The following BTN3A3 variants were observed in gnomAD, a reference collection of about 807,000 sequenced individuals.
BTN3A3 encodes butyrophilin subfamily 3 member A3.
Under a neutral mutation model 43.2 loss-of-function variants are expected in BTN3A3, and 39 were observed. That is an observed-to-expected ratio of 0.90 (90% CI 0.70 to 1.18). BTN3A3 has a LOEUF of 1.18. BTN3A3 is among the 50% of genes most tolerant of loss of function. BTN3A3 has a pLI of 0.00. For synonymous variants in BTN3A3, 255 were observed against 272.7 expected (o/e 0.93, Z 0.64); for missense variants, 631 against 722.8 (o/e 0.87, Z 1.46).
chr6:26,445,131 T>A (rs1355389827), intron 4 of BTN3A3: 4 of 159,710 alleles, frequency 2.5e-5, no homozygotes, highest in African/African-American at 9.6e-5. Context: ...GTATTTCCCA[T>A]GATCTGTCAC....
chr6:26,445,589 G>A, intron 4 of BTN3A3, 115 bp from the exon 5 acceptor site: 1 of 1,296,382 alleles, frequency 7.7e-7, no homozygotes, highest in Non-Finnish European at 1.1e-6. Flanking sequence ...TGTGTAAATA[G>A]CTCCTGAATG....
At chr6:26,449,072 G>T (rs1339696768) in intron 8 of BTN3A3, among the ~76,000 whole-genome samples, 1 of 152,096 alleles carries the variant, frequency 6.6e-6, no homozygotes, top group Non-Finnish European at 1.5e-5. Context: ...AGGATGAGGT[G>T]CATTTTCTGT....
Position 26,440,562 on chromosome 6 carries a change from G to A in BTN3A3, c.-153G>A, listed in dbSNP as rs1039495237. On this transcript the variant is annotated 5_prime_UTR_variant, in exon 1 of 11. It removes an upstream start codon present in the reference 5' UTR. Coordinates refer to ENST00000244519, the MANE Select transcript of BTN3A3 (RefSeq NM_006994.5). Reference sequence around the variant, plus strand: ...GCTTTCTTTTTCCTTTCTTCGGAATGAGAGACTCAACCATAATAGAAAGAA... The same window carrying A: ...GCTTTCTTTTTCCTTTCTTCGGAATAAGAGACTCAACCATAATAGAAAGAA... The A allele has an allele frequency of 1.5e-4, 23 of 152,342 alleles. No individual in the cohort carries two copies. Among genetic ancestry groups the A allele is most frequent in the African/African-American group, 5.5e-4 (23 of 41,582 alleles). The allele number at this position is 152,342 out of a possible 1,614,324, so 9.4% of individuals were successfully genotyped here.
intron 5 of BTN3A3, among the ~76,000 whole-genome samples, chr6:26,448,008 C>T (rs1426446783): frequency 6.6e-6 from 1 of 152,146 alleles, no homozygotes; most frequent in Non-Finnish European, 1.5e-5. Flanking sequence ...TATGACTCTG[C>T]TGAAGTTAAT....
rs1762769576 is a variant in BTN3A3 at position 26,445,992 on chromosome 6, AC to A, written c.715+10del. On this transcript the variant is annotated splice_region_variant and intron_variant, in intron 5 of 10. Coordinates refer to ENST00000244519, the MANE Select transcript of BTN3A3 (RefSeq NM_006994.5). ...GCCAGCATATCCATCGCAGGTCAGT[AC>A]CCTGCTTGGCCTCAGCTTTACTGAG... The A allele has an allele frequency of 1.2e-6, 2 of 1,613,882 alleles. No homozygotes were observed. The highest frequency in any genetic ancestry group is 1.7e-5 in the Admixed American group (1 of 60,020).
chr6:26,452,137 C>G lies in BTN3A3; in HGVS notation c.1481C>G (p.Pro494Arg). Residue 494 changes from proline to arginine, a missense_variant, in exon 11 of 11, where the codon CCT becomes CGT. Around this residue, in one of 2 missense-constraint regions of BTN3A3, gnomAD observed 551 missense variants for 584.0 expected, o/e 0.94. Transcript: ENST00000244519. ...TTTCCGCACGCCTCTTTCTCTGAGC[C>G]TCTATATCCTGTTTTCAGAATTTTG... ...YTFPHASFSE[P>R]LYPVFRILTL... is the part of the protein sequence containing the mutation. The G allele has an allele frequency of 5.0e-6, 8 of 1,614,146 alleles. No homozygotes were observed. The highest frequency in any genetic ancestry group is 6.8e-6 in the Non-Finnish European group (8 of 1,180,018).
intron 8 of BTN3A3, 51 bp from the exon 9 acceptor site, chr6:26,449,611 A>T (rs781059665): frequency 5.5e-5 from 89 of 1,609,548 alleles, no homozygotes; most frequent in Non-Finnish European, 7.1e-5. Flanking sequence ...GAAGGGGCCA[A>T]CAGAGCAAAG....
chr6:26,448,574 A>G, intron 6 of BTN3A3, 43 bp from the exon 7 acceptor site: 3 of 1,613,294 alleles, frequency 1.9e-6, no homozygotes, highest in African/African-American at 1.3e-5. Flanking sequence ...CCCCTTACCC[A>G]TAACTGTTCT....
rs750429863 is a variant in BTN3A3 at position 26,449,721 on chromosome 6, G to T, written c.991+33G>T. The T allele has an allele frequency of 3.2e-5, 52 of 1,613,114 alleles. No individual in the cohort carries two copies. The South Asian group carries it at 5.2e-4, about 16-fold the overall frequency. On this transcript the variant is annotated intron_variant, in intron 9 of 10. Transcript: ENST00000244519. ...AGCCTGATGCTCTCTGGGTTTGCTGGGTCATGTACAATGAACATTTCAACT... is the reference window on the plus strand; with the variant it reads ...AGCCTGATGCTCTCTGGGTTTGCTGTGTCATGTACAATGAACATTTCAACT...
In BTN3A3 at chr6:26,440,512, T is replaced by G. The variant is rs1323035864; in HGVS notation, c.-203T>G. 1 of 152,264 alleles carries G rather than the reference T, an allele frequency of 6.6e-6. No individual in the cohort carries two copies. The highest frequency in any genetic ancestry group is 1.5e-5 in the Non-Finnish European group (1 of 68,048). 9.4% of individuals were successfully genotyped at this position (152,264 alleles called of 1,614,324 possible). A position where few individuals can be genotyped will look rare whatever the true frequency, so the allele number is the denominator to read the frequency against. ...TCTTCCAAAAAGAGATTGTTATTATTCCTCACAATAACCAGATAGCCTCTG... is the reference window on the plus strand; with the variant it reads ...TCTTCCAAAAAGAGATTGTTATTATGCCTCACAATAACCAGATAGCCTCTG... On this transcript the variant is annotated 5_prime_UTR_variant, in exon 1 of 11. The change creates a new upstream start codon in the 5' untranslated region. Transcript: ENST00000244519.
chr6:26,452,253 G>A lies in BTN3A3; in HGVS notation c.1597G>A (p.Glu533Lys). Residue 533 changes from glutamate (E) to lysine (K), a missense_variant, in exon 11 of 11, where the codon GAG becomes AAG. Glu to Lys is a moderately conservative substitution (Grantham distance 56). Coordinates refer to ENST00000244519, the MANE Select transcript of BTN3A3 (RefSeq NM_006994.5). The part of the protein sequence containing the change: ...DPDLVPDHSL[E>K]TPLTPGLANE... Reference sequence around the variant, plus strand: ...TGACCTAGTGCCTGATCATTCCCTGGAGACACCACTGACCCCGGGCTTAGC... The same window carrying A: ...TGACCTAGTGCCTGATCATTCCCTGAAGACACCACTGACCCCGGGCTTAGC... 1 of 1,614,116 alleles carries A rather than the reference G, an allele frequency of 6.2e-7. No homozygotes were observed. The highest frequency in any genetic ancestry group is 8.5e-7 in the Non-Finnish European group (1 of 1,180,038).
chr6:26,449,512 G>A (rs1306496760), intron 8 of BTN3A3, 150 bp from the exon 9 acceptor site: 1 of 781,884 alleles, frequency 1.3e-6, no homozygotes, highest in Admixed American at 2.3e-5. Flanking sequence ...AAGAAGAAGA[G>A]GTGAAGAGAG....
Position 26,452,494 on chromosome 6 carries a change from G to C in BTN3A3, c.*83G>C. On this transcript the variant is annotated 3_prime_UTR_variant, in exon 11 of 11. Coordinates refer to ENST00000244519, the MANE Select transcript of BTN3A3 (RefSeq NM_006994.5). ...CCCTTATACAGATAAGGAAACTGGG[G>C]TGCAGAAAGGTGAATTAACTTTACA... 1 of 1,216,500 alleles carries C rather than the reference G, an allele frequency of 8.2e-7. No homozygotes were observed. The highest frequency in any genetic ancestry group is 1.1e-6 in the Non-Finnish European group (1 of 896,370). 75.4% of individuals were successfully genotyped at this position (1,216,500 alleles called of 1,614,324 possible). A position where few individuals can be genotyped will look rare whatever the true frequency, so the allele number is the denominator to read the frequency against.
At position 26,450,122 on chromosome 6, in the gene BTN3A3, T is replaced by A. The variant is rs544732971; in HGVS notation, c.1007T>A (p.Leu336His). 1.2e-6 allele frequency: 2 copies of A among 1,613,716 alleles called. No homozygotes were observed. Among genetic ancestry groups the A allele is most frequent in the Non-Finnish European group, 1.7e-6 (2 of 1,179,630 alleles). Residue 336 changes from leucine to histidine, a missense_variant, in exon 10 of 11, where the codon CTC becomes CAC. By Grantham distance (99) the Leu-to-His change is moderately conservative. Transcript: ENST00000244519. ...TTCCTTTCAGAATGGAAAATGGCCC[T>A]CTTCAAACCTGGTGAGTAAATCACT... ...SLAYHEWKMALFKPADVILDP... is the reference protein window; with the variant it reads ...SLAYHEWKMAHFKPADVILDP...
intron 5 of BTN3A3, among the ~76,000 whole-genome samples, chr6:26,446,965 T>A (rs945860512): frequency 1.3e-5 from 2 of 152,068 alleles, no homozygotes; most frequent in African/African-American, 4.8e-5. Flanking sequence ...CAGACCCCAA[T>A]TGATCCGCCT....
intron 9 of BTN3A3, 36 bp downstream of exon 9, chr6:26,449,724 C>T: frequency 6.2e-7 from 1 of 1,612,708 alleles, no homozygotes; most frequent in Non-Finnish European, 8.5e-7. Context: ...TTTGCTGGGT[C>T]ATGTACAATG....
chr6:26,453,250 A>C lies in BTN3A3; in HGVS notation c.*839A>C, dbSNP rs1293476014. The C allele has an allele frequency of 6.6e-6, 1 of 151,988 alleles. No individual in the cohort carries two copies. Among genetic ancestry groups the C allele is most frequent in the Non-Finnish European group, 1.5e-5 (1 of 67,990 alleles). The allele number at this position is 151,988 out of a possible 1,614,324, so 9.4% of individuals were successfully genotyped here. ...CAGTCTCCTGGAAATAGGTCTGTCCACTCCTGGTCATTGGTGGATGTTAAA... is the reference window on the plus strand; with the variant it reads ...CAGTCTCCTGGAAATAGGTCTGTCCCCTCCTGGTCATTGGTGGATGTTAAA... On this transcript the variant is annotated 3_prime_UTR_variant, in exon 11 of 11. Transcript: ENST00000244519.
In BTN3A3 at chr6:26,449,644, A is replaced by G; in HGVS notation, c.965-18A>G. 1 of 1,614,124 alleles carries G rather than the reference A, an allele frequency of 6.2e-7. No homozygotes were observed. The highest frequency in any genetic ancestry group is 8.5e-7 in the Non-Finnish European group (1 of 1,179,966). On this transcript the variant is annotated intron_variant, in intron 8 of 10. Coordinates refer to ENST00000244519, the MANE Select transcript of BTN3A3 (RefSeq NM_006994.5). ...AAGGCAGTGTTCAGGTGACACCTCT[A>G]TCTTTCTTTCATTGTAGGTGGAGAG... is the stretch of plus-strand genomic sequence containing the variant.
chr6:26,452,320 T>C lies in BTN3A3; in HGVS notation c.1664T>C (p.Leu555Pro). 1.2e-6 allele frequency: 2 copies of C among 1,613,482 alleles called. No homozygotes were observed. The highest frequency in any genetic ancestry group is 1.7e-6 in the Non-Finnish European group (2 of 1,180,012). ...GEPQAEVTSL[L>P]LPAHPGAEVS... ...CCTCAGGCTGAAGTAACATCTCTGC[T>C]TCTCCCTGCCCACCCTGGAGCTGAG... The change falls in exon 11 of 11, where the codon CTT (leucine) becomes CCT (proline). Residue 555 changes from leucine to proline, a missense_variant. Physicochemically the swap from Leu to Pro is moderately conservative, Grantham distance 98. This residue lies in a region of BTN3A3 where 551 missense variants were observed against 584.0 expected (regional missense o/e 0.94). Coordinates refer to ENST00000244519, the MANE Select transcript of BTN3A3 (RefSeq NM_006994.5).
Sources: gnomAD v4.1 joint callset for allele counts (sites outside exome capture counted in the v4.1 genomes callset) on GRCh38, gnomAD v4.1.1 for gene constraint, gnomAD v4.1.1 regional missense constraint, MANE v1.5 for transcripts, NCBI Gene and HGNC (gene_info 2026-07-23, HGNC 2026-07-21) for gene names.